GSTCD: variants seen among roughly 807,000 people sequenced by gnomAD.
GSTCD encodes the protein glutathione S-transferase C-terminal domain-containing protein.
In GSTCD, 44 loss-of-function variants were observed where a neutral mutation model predicts 68.3. The observed-to-expected ratio is 0.64, with a 90% confidence interval of 0.51 to 0.83. The LOEUF (loss-of-function observed/expected upper bound fraction) is 0.83. Among genes scored for constraint, GSTCD ranks in the 40% least tolerant of loss-of-function variants. The probability of loss-of-function intolerance (pLI) is 0.00; values close to 1 mark genes in which losing one functional copy is unlikely to be tolerated. For missense variants in GSTCD, 739 were observed against 735.9 expected (o/e 1.00, Z -0.05); for synonymous variants, 273 against 255.2 (o/e 1.07, Z -0.67).
chr4:105,845,394 C>T (rs1226734627), intron 11 of GSTCD, 47 bp from the exon 12 acceptor site: 4 of 1,610,210 alleles, frequency 2.5e-6, no homozygotes, highest in African/African-American at 1.3e-5. Context: ...CTGAAACTGT[C>T]CTGCTAGTGA....
intron 5 of GSTCD, among the ~76,000 whole-genome samples, chr4:105,742,926 G>A (rs1733677169): frequency 6.7e-6 from 1 of 150,334 alleles, no homozygotes. Context: ...GTGTTGCCTA[G>A]GCTGGACCTT....
chr4:105,733,753 C>T (rs542532146), intron 5 of GSTCD, among the ~76,000 whole-genome samples: 9 of 152,230 alleles, frequency 5.9e-5, no homozygotes, highest in African/African-American at 1.7e-4. Context: ...TTATTTTGCT[C>T]GTTAGTTGAT....
At chr4:105,731,908 G>A (rs1733256667) in intron 5 of GSTCD, among the ~76,000 whole-genome samples, 1 of 152,206 alleles carries the variant, frequency 6.6e-6, no homozygotes, top group Non-Finnish European at 1.5e-5. Flanking sequence ...ATGAAGGGCT[G>A]TTGAATTTTG....
intron 5 of GSTCD, among the ~76,000 whole-genome samples, chr4:105,794,778 T>C (rs1036989816): frequency 2.6e-5 from 4 of 152,010 alleles, no homozygotes; most frequent in African/African-American, 7.3e-5. Context: ...GGATTTTTCT[T>C]TTTATTTCTA....
At chr4:105,790,682 C>T (rs1344172241) in intron 5 of GSTCD, among the ~76,000 whole-genome samples, 1 of 151,938 alleles carries the variant, frequency 6.6e-6, no homozygotes, top group Non-Finnish European at 1.5e-5. Flanking sequence ...TAGCACTGTG[C>T]TTGGATCTAG....
intron 5 of GSTCD, among the ~76,000 whole-genome samples, chr4:105,802,630 A>G (rs1216578336): frequency 1.3e-5 from 2 of 152,070 alleles, no homozygotes; most frequent in South Asian, 2.1e-4. Context: ...CTGGTTATCC[A>G]TAAGTTTACA....
intron 5 of GSTCD, among the ~76,000 whole-genome samples, chr4:105,798,086 A>C (rs551549402): frequency 3.3e-5 from 5 of 152,128 alleles, no homozygotes; most frequent in Non-Finnish European, 7.3e-5. Flanking sequence ...TGTCATTTCA[A>C]CAATATTTTC....
chr4:105,838,951 G>A (rs1578526539), intron 10 of GSTCD, among the ~76,000 whole-genome samples: 1 of 152,130 alleles, frequency 6.6e-6, no homozygotes, highest in African/African-American at 2.4e-5. Flanking sequence ...CCATCAAACA[G>A]TTGAAATATA....
rs139425249 is a variant in GSTCD at position 105,769,233 on chromosome 4, G to GATCACACACA, written c.1240+39734_1240+39735insATCACACACA. 2.5e-3 allele frequency among the ~76,000 whole-genome samples: 364 copies of GATCACACACA among 146,334 alleles called. 2 individuals are homozygous for GATCACACACA. The highest frequency in any genetic ancestry group is 7.0e-3 in the Middle Eastern group (2 of 284). ...TTTTAAAAATATACTATACACGCGC[G>GATCACACACA]CACACACACACACACACACACACAC... On this transcript the variant is annotated intron_variant, in intron 5 of 11. Transcript: ENST00000515279.
intron 5 of GSTCD, among the ~76,000 whole-genome samples, chr4:105,803,297 T>C (rs1023698663): frequency 6.6e-6 from 1 of 152,072 alleles, no homozygotes; most frequent in African/African-American, 2.4e-5. Context: ...GGGGAAATAT[T>C]GAATGTAGAA....
At chr4:105,806,517 A>C (rs576240548) in intron 5 of GSTCD, among the ~76,000 whole-genome samples, 1 of 152,086 alleles carries the variant, frequency 6.6e-6, no homozygotes, top group Non-Finnish European at 1.5e-5. Flanking sequence ...CCTATCAATT[A>C]AAAAGAATAT....
At chr4:105,825,460 A>G (rs1043682405) in intron 7 of GSTCD, among the ~76,000 whole-genome samples, 2 of 152,078 alleles carry the variant, frequency 1.3e-5, no homozygotes, top group African/African-American at 2.4e-5. Flanking sequence ...TGTTTCACTT[A>G]TATCACTATG....
At chr4:105,769,933 T>G (rs1408730817) in intron 5 of GSTCD, among the ~76,000 whole-genome samples, 1 of 152,066 alleles carries the variant, frequency 6.6e-6, no homozygotes, top group Non-Finnish European at 1.5e-5. Flanking sequence ...TTTAAAAAAA[T>G]TTTGAATAGA....
chr4:105,815,673 A>G (rs539614765), intron 5 of GSTCD, among the ~76,000 whole-genome samples: 1 of 152,320 alleles, frequency 6.6e-6, no homozygotes, highest in East Asian at 1.9e-4. Context: ...TGAAACATCA[A>G]TTGGAAGCCA....
Position 105,747,889 on chromosome 4 carries a change from T to TTTGTTG in GSTCD, c.1240+18399_1240+18404dup, listed in dbSNP as rs57577586. Among the ~76,000 whole-genome samples, 1,348 of 151,470 alleles carry TTTGTTG rather than the reference T, an allele frequency of 8.9e-3. 27 individuals carry two copies. Among genetic ancestry groups the TTTGTTG allele is most frequent in the African/African-American group, 0.031 (1,268 of 41,246 alleles). The stretch of plus-strand genomic sequence containing the variant: ...TTCTTCAGGTTGACAGTGTAAACAG[T>TTTGTTG]TTGTTGTTGTTGTTTATATTAAATA... On this transcript the variant is annotated intron_variant, in intron 5 of 11. Transcript: ENST00000515279.
intron 3 of GSTCD, among the ~76,000 whole-genome samples, chr4:105,722,981 C>A (rs936836132): frequency 2.0e-5 from 3 of 151,834 alleles, no homozygotes; most frequent in African/African-American, 7.3e-5. Flanking sequence ...AGTAGAGTGG[C>A]CTGGCATGTT....
At chr4:105,728,227 A>G (rs1184769103) in intron 4 of GSTCD, among the ~76,000 whole-genome samples, 1 of 152,184 alleles carries the variant, frequency 6.6e-6, no homozygotes, top group Non-Finnish European at 1.5e-5. Context: ...GCAATGATTG[A>G]ACAATTGTGA....
chr4:105,741,816 A>G (rs1241273922), intron 5 of GSTCD, among the ~76,000 whole-genome samples: 1 of 152,224 alleles, frequency 6.6e-6, no homozygotes, highest in Non-Finnish European at 1.5e-5. Flanking sequence ...GGGTATACTC[A>G]CATTACATTC....
At chr4:105,709,601 G>GC (rs1226816658) in intron 1 of GSTCD, among the ~76,000 whole-genome samples, 24 of 152,314 alleles carry the variant, frequency 1.6e-4, no homozygotes, top group African/African-American at 5.8e-4. Flanking sequence ...AAAAACGTTT[G>GC]CTAATACACG....
Sources: allele counts gnomAD v4.1 joint callset (sites outside exome capture counted in the v4.1 genomes callset), GRCh38; gene constraint gnomAD v4.1.1; transcripts MANE v1.5; gene names NCBI Gene and HGNC (gene_info 2026-07-23, HGNC 2026-07-21).